Variants in GRIN3A observed in about 807,000 individuals in gnomAD.
GRIN3A encodes glutamate receptor ionotropic, NMDA 3A.
In GRIN3A, 47 loss-of-function variants were observed where a neutral mutation model predicts 92.4. The ratio of observed to expected loss-of-function variants is 0.51; its 90% CI spans 0.40 to 0.65. The LOEUF is 0.65. Among genes scored for constraint, GRIN3A ranks in the 30% least tolerant of loss-of-function variants. The probability of loss-of-function intolerance (pLI) is 0.00; values close to 1 mark genes in which losing one functional copy is unlikely to be tolerated. For synonymous variants in GRIN3A, 527 were observed against 540.6 expected, an observed-to-expected ratio of 0.97 and a Z score of 0.35; for missense variants, 1,324 against 1,393.1, an observed-to-expected ratio of 0.95 and a Z score of 0.79.
intron 1 of GRIN3A, among the ~76,000 whole-genome samples, chr9:101,693,986 T>C (rs937738763): frequency 6.6e-6 from 1 of 152,158 alleles, no homozygotes; most frequent in Non-Finnish European, 1.5e-5. Flanking sequence ...TCTCTCAGGA[T>C]TTTTGAGTGG....
chr9:101,610,259 G>C (rs1828343474), intron 6 of GRIN3A, among the ~76,000 whole-genome samples: 1 of 152,176 alleles, frequency 6.6e-6, no homozygotes, highest in Non-Finnish European at 1.5e-5. Context: ...TCTGGGTACA[G>C]TTTCTATTAC....
Position 101,735,409 on chromosome 9 carries a change from C to T in GRIN3A, c.699+1872G>A, listed in dbSNP as rs1402611511. On this transcript the variant is annotated intron_variant, in intron 1 of 8. Coordinates refer to ENST00000361820, the MANE Select transcript of GRIN3A (RefSeq NM_133445.3). ...GGAGGACTTTATCCACCCCCCACCC[C>T]GGTCTTAGAGCTTTGAAGTTTACAG... Among the ~76,000 whole-genome samples, 4 of 151,774 alleles carry T rather than the reference C, an allele frequency of 2.6e-5. 1 individual carries two copies. Among genetic ancestry groups the T allele is most frequent in the Non-Finnish European group, 4.4e-5 (3 of 67,848 alleles).
intron 1 of GRIN3A, 125 bp from the exon 2 acceptor site, chr9:101,687,325 A>C: frequency 1.1e-6 from 1 of 929,466 alleles, no homozygotes; most frequent in African/African-American, 1.7e-5. Flanking sequence ...TTCTGGGATA[A>C]AATTCCCATA....
At chr9:101,622,217 A>T (rs1278068995) in intron 5 of GRIN3A, among the ~76,000 whole-genome samples, 1 of 152,246 alleles carries the variant, frequency 6.6e-6, no homozygotes, top group East Asian at 1.9e-4. Context: ...TATTTAGAGG[A>T]GACAGAGACT....
intron 6 of GRIN3A, chr9:101,594,263 G>T: frequency 9.9e-7 from 1 of 1,005,482 alleles, no homozygotes; most frequent in Non-Finnish European, 1.4e-6. Context: ...CACTGAGTTG[G>T]TGATGAAGCT....
chr9:101,707,990 GA>G (rs1394755763), intron 1 of GRIN3A, among the ~76,000 whole-genome samples: 2 of 151,938 alleles, frequency 1.3e-5, no homozygotes, highest in Non-Finnish European at 2.9e-5. Flanking sequence ...ATCAAGTGGG[GA>G]AAAAAAGAGA....
intron 6 of GRIN3A, among the ~76,000 whole-genome samples, chr9:101,580,302 A>G (rs1001514396): frequency 1.3e-5 from 2 of 152,096 alleles, no homozygotes; most frequent in South Asian, 2.1e-4. Context: ...CTCCTGGCCA[A>G]ATTTATGAAG....
chr9:101,686,741 G>A lies in GRIN3A; in HGVS notation c.1159C>T (p.His387Tyr). 2 of 1,614,174 alleles carry A rather than the reference G, an allele frequency of 1.2e-6. No individual in the cohort carries two copies. Among genetic ancestry groups the A allele is most frequent in the South Asian group, 2.2e-5 (2 of 91,084 alleles). Reference protein sequence around the residue: ...HGKTTQSVFEHYVQDAMELVA... With the variant: ...HGKTTQSVFEYYVQDAMELVA... ...AGCTCCATAGCATCTTGTACGTAGT[G>A]CTCAAAGACAGACTGTGTTGTTTTT... Residue 387 changes from histidine to tyrosine, a missense_variant, in exon 2 of 9, where the codon CAC (histidine) becomes TAC (tyrosine). By Grantham distance (83) the His-to-Tyr change is moderately conservative (BLOSUM62 2). Transcript: ENST00000361820.
intron 1 of GRIN3A, among the ~76,000 whole-genome samples, chr9:101,722,579 C>A (rs1179684254): frequency 6.6e-6 from 1 of 152,216 alleles, no homozygotes; most frequent in Non-Finnish European, 1.5e-5. Flanking sequence ...TGCAAAGCCA[C>A]AGGGGCAGAG....
At chr9:101,641,870 A>T (rs1251577971) in intron 3 of GRIN3A, among the ~76,000 whole-genome samples, 1 of 152,110 alleles carries the variant, frequency 6.6e-6, no homozygotes, top group Non-Finnish European at 1.5e-5. Flanking sequence ...ACACAATTGC[A>T]CTTAAATGTA....
chr9:101,588,932 T>C (rs1317290059), intron 6 of GRIN3A, among the ~76,000 whole-genome samples: 1 of 152,124 alleles, frequency 6.6e-6, no homozygotes, highest in African/African-American at 2.4e-5. Context: ...TTATGGTATA[T>C]ACGACAAATA....
At chr9:101,655,118 C>T (rs1381216025) in intron 3 of GRIN3A, among the ~76,000 whole-genome samples, 1 of 151,882 alleles carries the variant, frequency 6.6e-6, no homozygotes, top group Non-Finnish European at 1.5e-5. Context: ...TACTCAATGG[C>T]TGAAAGCATT....
intron 1 of GRIN3A, among the ~76,000 whole-genome samples, chr9:101,700,016 G>A (rs376561561): frequency 1.3e-5 from 2 of 151,992 alleles, no homozygotes; most frequent in African/African-American, 4.8e-5. Context: ...TCATTCTCAA[G>A]GTGTATTACC....
chr9:101,594,459 C>G, intron 6 of GRIN3A: 1 of 1,614,012 alleles, frequency 6.2e-7, no homozygotes, highest in Non-Finnish European at 8.5e-7. Flanking sequence ...CTGACCACAG[C>G]ACTGAATTCC....
At chr9:101,624,333 C>CATTTAGCATTAGGTAT (rs1161799331) in intron 4 of GRIN3A, among the ~76,000 whole-genome samples, 1 of 151,338 alleles carries the variant, frequency 6.6e-6, no homozygotes, top group East Asian at 1.9e-4. Context: ...ATTAACTCGT[C>CATTTAGCATTAGGTAT]ATTTAGCATT....
Position 101,569,895 on chromosome 9 carries a change from G to T in GRIN3A, c.*3279C>A, listed in dbSNP as rs879008104. On this transcript the variant is annotated 3_prime_UTR_variant, in exon 9 of 9. Coordinates refer to ENST00000361820, the MANE Select transcript of GRIN3A (RefSeq NM_133445.3). ...ACACAGCACCAACACTGAGAAGTCT[G>T]TTACCCAGATGATAAGGTCTGTTCT... 5 of 152,230 alleles carry T rather than the reference G, an allele frequency of 3.3e-5. No individual in the cohort carries two copies. In the South Asian group the frequency reaches 1.0e-3, roughly 32 times the overall value. 9.4% of individuals were successfully genotyped at this position (152,230 alleles called of 1,614,324 possible). A position where few individuals can be genotyped will look rare whatever the true frequency, so the allele number is the denominator to read the frequency against.
intron 4 of GRIN3A, 151 bp downstream of exon 4, chr9:101,628,105 C>G (rs754203349): frequency 2.4e-5 from 17 of 695,778 alleles, no homozygotes; most frequent in Non-Finnish European, 3.9e-5. Flanking sequence ...TTCACACCAT[C>G]TCCTGGGATC....
chr9:101,722,079 A>G (rs1388564210), intron 1 of GRIN3A, among the ~76,000 whole-genome samples: 2 of 152,170 alleles, frequency 1.3e-5, no homozygotes, highest in Non-Finnish European at 2.9e-5. Flanking sequence ...GCTCAGGAGG[A>G]AAATGCCAGG....
At chr9:101,735,927 C>T (rs1311137491) in intron 1 of GRIN3A, among the ~76,000 whole-genome samples, 1 of 152,152 alleles carries the variant, frequency 6.6e-6, no homozygotes, top group Non-Finnish European at 1.5e-5. Context: ...TGGGCAACTG[C>T]TGAATATGGC....
Sources: allele counts gnomAD v4.1 joint callset (sites outside exome capture counted in the v4.1 genomes callset), GRCh38; gene constraint gnomAD v4.1.1; transcripts MANE v1.5; gene names NCBI Gene and HGNC (gene_info 2026-07-23, HGNC 2026-07-21).